TSPAN5: variants seen among roughly 807,000 people sequenced by gnomAD.
The protein encoded by TSPAN5 is tetraspanin 5.
TSPAN5 carries 10 observed loss-of-function variants against 37.1 expected under a neutral mutation model. The observed-to-expected ratio is 0.27, with a 90% CI of 0.17 to 0.46. The LOEUF is 0.46. Ranked by LOEUF, TSPAN5 falls within the 20% of genes least tolerant of loss-of-function variation. The pLI is 1.00. For missense variants in TSPAN5, 195 were observed against 326.6 expected (o/e 0.60, Z 3.11); for synonymous variants, 110 against 118.9 (o/e 0.93, Z 0.48).
At chr4:98,624,291 G>A (rs746244206) in intron 1 of TSPAN5, among the ~76,000 whole-genome samples, 1 of 151,520 alleles carries the variant, frequency 6.6e-6, no homozygotes, top group Non-Finnish European at 1.5e-5. Flanking sequence ...AAACCACAAC[G>A]CTAGGACTGC....
At chr4:98,542,792 A>G (rs1479987316) in intron 1 of TSPAN5, among the ~76,000 whole-genome samples, 1 of 151,866 alleles carries the variant, frequency 6.6e-6, no homozygotes, top group African/African-American at 2.4e-5. Context: ...ATGAGGTGTG[A>G]CGGAGACAAC....
chr4:98,561,907 C>T (rs1754889573), intron 1 of TSPAN5, among the ~76,000 whole-genome samples: 1 of 152,162 alleles, frequency 6.6e-6, no homozygotes, highest in Admixed American at 6.5e-5. Flanking sequence ...CCTGAAATTC[C>T]AGCAGACACT....
chr4:98,546,715 A>G (rs1754480386), intron 1 of TSPAN5, among the ~76,000 whole-genome samples: 1 of 152,186 alleles, frequency 6.6e-6, no homozygotes, highest in Non-Finnish European at 1.5e-5. Flanking sequence ...GAGAGAAGTG[A>G]AAACTAAATG....
intron 2 of TSPAN5, among the ~76,000 whole-genome samples, chr4:98,487,232 T>G (rs1320206980): frequency 1.0e-5 from 1 of 99,022 alleles, no homozygotes; most frequent in African/African-American, 3.8e-5. Context: ...GAAAACTATA[T>G]GTAGAGAAAA....
At chr4:98,517,222 T>C (rs528322783) in intron 1 of TSPAN5, among the ~76,000 whole-genome samples, 1 of 152,312 alleles carries the variant, frequency 6.6e-6, no homozygotes, top group African/African-American at 2.4e-5. Context: ...TGAATGGAGA[T>C]ACCAGTTGTT....
At chr4:98,549,592 C>A (rs1041553598) in intron 1 of TSPAN5, among the ~76,000 whole-genome samples, 1 of 152,022 alleles carries the variant, frequency 6.6e-6, no homozygotes, top group Non-Finnish European at 1.5e-5. Flanking sequence ...AGCCACTGCA[C>A]CTGGCCTCGT....
At chr4:98,624,292 C>T (rs760187409) in intron 1 of TSPAN5, among the ~76,000 whole-genome samples, 1 of 151,660 alleles carries the variant, frequency 6.6e-6, no homozygotes, top group Non-Finnish European at 1.5e-5. Context: ...AACCACAACG[C>T]TAGGACTGCC....
intron 1 of TSPAN5, among the ~76,000 whole-genome samples, chr4:98,516,285 G>A (rs1297388649): frequency 6.6e-6 from 1 of 152,194 alleles, no homozygotes; most frequent in Non-Finnish European, 1.5e-5. Flanking sequence ...ATACCAGGCT[G>A]GGCCAGAGTC....
At chr4:98,541,014 T>G (rs1356735825) in intron 1 of TSPAN5, among the ~76,000 whole-genome samples, 2 of 152,216 alleles carry the variant, frequency 1.3e-5, no homozygotes, top group Non-Finnish European at 2.9e-5. Flanking sequence ...AGACCAGGCT[T>G]GTGTCCTGGT....
At chr4:98,630,283 G>A (rs1480920064) in intron 1 of TSPAN5, among the ~76,000 whole-genome samples, 1 of 152,140 alleles carries the variant, frequency 6.6e-6, no homozygotes, top group East Asian at 1.9e-4. Flanking sequence ...CCAGCCATGA[G>A]GCCTGATGGA....
At chr4:98,570,123 T>C (rs1365011192) in intron 1 of TSPAN5, among the ~76,000 whole-genome samples, 1 of 152,240 alleles carries the variant, frequency 6.6e-6, no homozygotes, top group African/African-American at 2.4e-5. Context: ...GAATCAATGT[T>C]ATCCTTTCAT....
chr4:98,517,894 A>G lies in TSPAN5; in HGVS notation c.82-10166T>C, dbSNP rs1490850311. ...AAAAACATACCAGAGAAATGTTCTGAAGGCTGAGAAAGACTGAGGAATAAC... is the reference window on the plus strand; with the variant it reads ...AAAAACATACCAGAGAAATGTTCTGGAGGCTGAGAAAGACTGAGGAATAAC... On this transcript the variant is annotated intron_variant, in intron 1 of 7. Coordinates refer to ENST00000305798, the MANE Select transcript of TSPAN5 (RefSeq NM_005723.4). Among the ~76,000 whole-genome samples the G allele has an allele frequency of 2.6e-5, 4 of 152,204 alleles. No individual in the cohort carries two copies. In the East Asian group the frequency reaches 7.7e-4, roughly 29 times the overall value.
At chr4:98,549,677 GTCT>G (rs2110152981) in intron 1 of TSPAN5, among the ~76,000 whole-genome samples, 1 of 152,086 alleles carries the variant, frequency 6.6e-6, no homozygotes, top group Admixed American at 6.5e-5. Flanking sequence ...CCACTTGTAT[GTCT>G]TCTTTTGAAA....
chr4:98,529,429 G>A (rs1334074980), intron 1 of TSPAN5, among the ~76,000 whole-genome samples: 2 of 152,176 alleles, frequency 1.3e-5, no homozygotes, highest in Non-Finnish European at 2.9e-5. Flanking sequence ...TTATATCCTC[G>A]TCATTAATAA....
intron 1 of TSPAN5, among the ~76,000 whole-genome samples, chr4:98,633,394 G>A (rs766241365): frequency 6.6e-6 from 1 of 152,086 alleles, no homozygotes; most frequent in Non-Finnish European, 1.5e-5. Context: ...TGTTTGCAGC[G>A]ACCTGTTCAG....
At chr4:98,476,362 A>G (rs1752695250) in intron 6 of TSPAN5, 51 bp downstream of exon 6, 5 of 1,613,588 alleles carry the variant, frequency 3.1e-6, no homozygotes, top group Non-Finnish European at 3.4e-6. Flanking sequence ...GCACAGGCCA[A>G]AGCTCCTCCA....
chr4:98,492,537 A>G (rs1048564272), intron 2 of TSPAN5, among the ~76,000 whole-genome samples: 2 of 152,210 alleles, frequency 1.3e-5, no homozygotes, highest in Admixed American at 6.5e-5. Flanking sequence ...ACTATGCTTC[A>G]GTCCTCCATG....
At chr4:98,532,366 T>G (rs564559476) in intron 1 of TSPAN5, among the ~76,000 whole-genome samples, 1 of 152,222 alleles carries the variant, frequency 6.6e-6, no homozygotes, top group Non-Finnish European at 1.5e-5. Context: ...CTTATTTCCT[T>G]GAGCAGTGGT....
rs902405057 is a variant in TSPAN5 at position 98,583,284 on chromosome 4, A to T, written c.81+74862T>A. ...TTGATATAAAGCCTTTCATTTTTTT[A>T]ACTTTTAAAATGCAGGTTTGTTACA... On this transcript the variant is annotated intron_variant, in intron 1 of 7. Coordinates refer to ENST00000305798, the MANE Select transcript of TSPAN5 (RefSeq NM_005723.4). Among the ~76,000 whole-genome samples, 3 of 151,930 alleles carry T rather than the reference A, an allele frequency of 2.0e-5. No homozygotes were observed. In the East Asian group the frequency reaches 5.8e-4, roughly 29 times the overall value.
Sources: gnomAD v4.1 joint callset for allele counts (sites outside exome capture counted in the v4.1 genomes callset) on GRCh38, gnomAD v4.1.1 for gene constraint, MANE v1.5 for transcripts, NCBI Gene and HGNC (gene_info 2026-07-23, HGNC 2026-07-21) for gene names.